Variants in SCHIP1 observed in about 807,000 individuals in gnomAD.
SCHIP1 encodes schwannomin interacting protein 1, also known as schwannomin-interacting protein 1.
Under a neutral mutation model 29.7 loss-of-function variants are expected in SCHIP1, and 8 were observed. The observed-to-expected ratio is 0.27, with a 90% CI of 0.16 to 0.49. The LOEUF is 0.49. Among genes scored for constraint, SCHIP1 ranks in the 20% least tolerant of loss-of-function variants. The pLI is 0.99. For missense variants in SCHIP1, 193 were observed against 294.6 expected, an observed-to-expected ratio of 0.66 and a Z score of 2.52; for synonymous variants, 76 against 94.9, an observed-to-expected ratio of 0.80 and a Z score of 1.16.
At chr3:159,307,201 T>G in the SCHIP1 span, among the ~76,000 whole-genome samples, 1 of 152,230 alleles carries the variant, frequency 6.6e-6, no homozygotes, top group East Asian at 1.9e-4. Flanking sequence ...ACATAAAAGT[T>G]TATTCACAAC....
chr3:159,353,629 A>G, the SCHIP1 span, among the ~76,000 whole-genome samples: 1 of 152,198 alleles, frequency 6.6e-6, no homozygotes, highest in African/African-American at 2.4e-5. Context: ...GGGGCTAAAA[A>G]TACATGACTC....
At chr3:159,617,899 C>A in the SCHIP1 span, among the ~76,000 whole-genome samples, 1 of 152,174 alleles carries the variant, frequency 6.6e-6, no homozygotes, top group Non-Finnish European at 1.5e-5. Context: ...TCCCTACATA[C>A]CCATTCATGA....
At chr3:159,296,479 A>C in the SCHIP1 span, among the ~76,000 whole-genome samples, 247 of 152,172 alleles carry the variant, frequency 1.6e-3, no homozygotes, top group Non-Finnish European at 3.0e-3. Flanking sequence ...GACACTTAAA[A>C]TCTGCTCTCT....
chr3:159,670,952 T>C, the SCHIP1 span, among the ~76,000 whole-genome samples: 1,776 of 152,120 alleles, frequency 0.012, 38 homozygotes, highest in African/African-American at 0.04. Flanking sequence ...AAAATGAAAA[T>C]GTAGGACCCT....
chr3:159,833,679 G>C, the SCHIP1 span, among the ~76,000 whole-genome samples: 1 of 152,086 alleles, frequency 6.6e-6, no homozygotes, highest in South Asian at 2.1e-4. Flanking sequence ...TGTCCTCTCT[G>C]TGCAAAAGAC....
chr3:159,811,961 T>TTTG, the SCHIP1 span, among the ~76,000 whole-genome samples: 1,198 of 132,394 alleles, frequency 9.0e-3, 10 homozygotes, highest in Non-Finnish European at 0.015. Flanking sequence ...GTTTTGTAGT[T>TTTG]TTTTTTGTTT....
the SCHIP1 span, among the ~76,000 whole-genome samples, chr3:159,541,693 C>G: frequency 2.0e-5 from 3 of 152,150 alleles, 1 homozygote; most frequent in Middle Eastern, 6.8e-3. Flanking sequence ...TGAGACAAGT[C>G]TGCATTCCTG....
At chr3:159,637,647 G>A in the SCHIP1 span, among the ~76,000 whole-genome samples, 5 of 152,138 alleles carry the variant, frequency 3.3e-5, no homozygotes, top group African/African-American at 1.2e-4. Flanking sequence ...TTAAATTAAT[G>A]AGACACACAG....
At chr3:159,568,539 T>G in the SCHIP1 span, among the ~76,000 whole-genome samples, 1 of 152,254 alleles carries the variant, frequency 6.6e-6, no homozygotes, top group Non-Finnish European at 1.5e-5. Flanking sequence ...TCATACAGTC[T>G]TACTTCCTAA....
At chr3:159,660,981 G>A in the SCHIP1 span, among the ~76,000 whole-genome samples, 1 of 152,116 alleles carries the variant, frequency 6.6e-6, no homozygotes, top group Admixed American at 6.5e-5. Flanking sequence ...CGAATGCCAG[G>A]CACTATGCAA....
chr3:159,582,779 TATATATATAC>T, the SCHIP1 span, among the ~76,000 whole-genome samples: 9 of 98,434 alleles, frequency 9.1e-5, no homozygotes, highest in African/African-American at 2.8e-4. Flanking sequence ...GCAACTGAAA[TATATATATAC>T]ACACACACAC....
the SCHIP1 span, among the ~76,000 whole-genome samples, chr3:159,553,768 G>A: frequency 6.6e-6 from 1 of 152,144 alleles, no homozygotes; most frequent in Non-Finnish European, 1.5e-5. Flanking sequence ...GAGCCACTGC[G>A]CCCAGCCAGT....
At chr3:159,523,388 C>CCAT in the SCHIP1 span, among the ~76,000 whole-genome samples, 2 of 152,168 alleles carry the variant, frequency 1.3e-5, no homozygotes, top group Admixed American at 1.3e-4. Context: ...GATTCCTCCT[C>CCAT]CATCATCTTT....
the SCHIP1 span, among the ~76,000 whole-genome samples, chr3:159,469,483 G>A: frequency 3.3e-5 from 5 of 152,130 alleles, no homozygotes; most frequent in Admixed American, 2.6e-4. Context: ...GAAGGTAGCT[G>A]TGAGAATATA....
the SCHIP1 span, among the ~76,000 whole-genome samples, chr3:159,393,595 C>G: frequency 6.7e-6 from 1 of 149,378 alleles, no homozygotes; most frequent in African/African-American, 2.4e-5. Flanking sequence ...GCTTGTTTTT[C>G]TCAGGTTTGT....
chr3:159,420,673 A>G, the SCHIP1 span, among the ~76,000 whole-genome samples: 1 of 152,236 alleles, frequency 6.6e-6, no homozygotes, highest in Non-Finnish European at 1.5e-5. Flanking sequence ...TCTGATTATT[A>G]CTGGAAACAA....
chr3:159,395,644 T>G, the SCHIP1 span, among the ~76,000 whole-genome samples: 3 of 152,248 alleles, frequency 2.0e-5, no homozygotes, highest in African/African-American at 7.2e-5. Context: ...GTGAGATTCT[T>G]AATCCTGCAT....
chr3:159,384,416 G>C, the SCHIP1 span, among the ~76,000 whole-genome samples: 2 of 151,036 alleles, frequency 1.3e-5, no homozygotes, highest in Non-Finnish European at 2.9e-5. Flanking sequence ...TATGTTTATT[G>C]ATTTGTGTAT....
chr3:159,286,287 A>C, the SCHIP1 span, among the ~76,000 whole-genome samples: 1 of 152,220 alleles, frequency 6.6e-6, no homozygotes, highest in African/African-American at 2.4e-5. Context: ...ATGTGTTCTC[A>C]TCATTTAGCT....
Sources: allele counts gnomAD v4.1 joint callset (sites outside exome capture counted in the v4.1 genomes callset), GRCh38; gene constraint gnomAD v4.1.1; transcripts MANE v1.5; gene names NCBI Gene and HGNC (gene_info 2026-07-23, HGNC 2026-07-21).